Variants in THEMIS observed in about 807,000 individuals in gnomAD.
THEMIS encodes protein THEMIS.
THEMIS carries 37 observed loss-of-function variants against 52.6 expected under a neutral mutation model. The ratio of observed to expected loss-of-function variants is 0.70; its 90% CI spans 0.54 to 0.93. The LOEUF is 0.93. Among genes scored for constraint, THEMIS ranks in the 40% least tolerant of loss-of-function variants. The pLI, the probability that THEMIS is intolerant of heterozygous loss-of-function variation, is 0.00. For missense variants in THEMIS, 808 were observed against 763.1 expected, an observed-to-expected ratio of 1.06 and a Z score of -0.69; for synonymous variants, 292 against 272.7, an observed-to-expected ratio of 1.07 and a Z score of -0.70.
intron 4 of THEMIS, among the ~76,000 whole-genome samples, chr6:127,740,876 T>C (rs538556936): frequency 6.6e-6 from 1 of 152,328 alleles, no homozygotes; most frequent in South Asian, 2.1e-4. Context: ...ATATTACCAG[T>C]AAGTGCTCTA....
chr6:127,743,377 C>G (rs1322932103), intron 4 of THEMIS, among the ~76,000 whole-genome samples: 2 of 152,102 alleles, frequency 1.3e-5, no homozygotes, highest in East Asian at 3.9e-4. Flanking sequence ...GTCTGCTTGA[C>G]ATTCAGAAAT....
intron 4 of THEMIS, among the ~76,000 whole-genome samples, chr6:127,754,866 A>G (rs568864013): frequency 1.1e-4 from 16 of 152,310 alleles, no homozygotes; most frequent in South Asian, 4.1e-4. Context: ...CTGTCTATAA[A>G]TTATCTATTG....
intron 2 of THEMIS, among the ~76,000 whole-genome samples, chr6:127,848,314 C>T (rs918725629): frequency 1.3e-5 from 2 of 151,892 alleles, no homozygotes; most frequent in Non-Finnish European, 2.9e-5. Flanking sequence ...TTTCTTAATC[C>T]AGTCTACCAT....
intron 4 of THEMIS, among the ~76,000 whole-genome samples, chr6:127,766,704 T>C (rs1477371381): frequency 6.6e-6 from 1 of 152,198 alleles, no homozygotes; most frequent in African/African-American, 2.4e-5. Flanking sequence ...GGTAACACAA[T>C]GGTAAGTATT....
At position 127,730,448 on chromosome 6, in the gene THEMIS, CGAAAGAAA is replaced by C. The variant is rs3057171; in HGVS notation, c.1759-10633_1759-10626del. Among the ~76,000 whole-genome samples the C allele has an allele frequency of 3.4e-3, 445 of 129,284 alleles. 3 individuals are homozygous for C. Among genetic ancestry groups the C allele is most frequent in the African/African-American group, 7.9e-3 (282 of 35,782 alleles). 84.8% of individuals were successfully genotyped at this position (129,284 alleles called of 152,430 possible). On this transcript the variant is annotated intron_variant, in intron 4 of 5. Coordinates refer to ENST00000368248, the MANE Select transcript of THEMIS (RefSeq NM_001010923.3). ...GGGAGGGAGGCAGGAAGAGAACAAA[CGAAAGAAA>C]GAAAGAAAGAGAAAGAGACAGAAAG...
In THEMIS at chr6:127,829,831, A is replaced by T; in HGVS notation, c.354T>A (p.Tyr118Ter). 1 of 1,614,138 alleles carries T rather than the reference A, an allele frequency of 6.2e-7. No homozygotes were observed. The highest frequency in any genetic ancestry group is 8.5e-7 in the Non-Finnish European group (1 of 1,180,020). ...TCTCTAGTTTTATATCCTTCTGATGATAGAAGCAAGGATGCCCTAGTCTAC... is the reference window on the plus strand; with the variant it reads ...TCTCTAGTTTTATATCCTTCTGATGTTAGAAGCAAGGATGCCCTAGTCTAC... ...GPSRLGHPCF[Y>*]HQKDIKLENL... Residue 118 changes from tyrosine (Y) to a stop codon, truncating the protein, a stop_gained, in exon 3 of 6, where the codon TAT (tyrosine) becomes TAA (stop). Coordinates refer to ENST00000368248, the MANE Select transcript of THEMIS (RefSeq NM_001010923.3). LOFTEE classifies it high-confidence loss of function.
chr6:127,871,070 C>T (rs769112503), intron 1 of THEMIS, among the ~76,000 whole-genome samples: 3 of 152,038 alleles, frequency 2.0e-5, no homozygotes, highest in African/African-American at 4.8e-5. Context: ...ATAACATATG[C>T]TGAGATATCC....
At chr6:127,737,721 A>G (rs67116440) in intron 4 of THEMIS, among the ~76,000 whole-genome samples, 47,287 of 152,040 alleles carry the variant, frequency 0.31, 8,809 homozygotes, top group Non-Finnish European at 0.43. Context: ...GATGAGTGAC[A>G]TTTGCATTCA....
At chr6:127,749,920 A>G (rs1157987267) in intron 4 of THEMIS, among the ~76,000 whole-genome samples, 1 of 150,586 alleles carries the variant, frequency 6.6e-6, no homozygotes, top group Non-Finnish European at 1.5e-5. Context: ...ACAAGGTATT[A>G]ATAGACAGGC....
At chr6:127,760,758 C>T (rs1168196730) in intron 4 of THEMIS, among the ~76,000 whole-genome samples, 2 of 151,846 alleles carry the variant, frequency 1.3e-5, no homozygotes, top group African/African-American at 4.8e-5. Flanking sequence ...TCCTGTATAA[C>T]AGAGTGAGAC....
chr6:127,834,681 A>G (rs1353482367), intron 2 of THEMIS, among the ~76,000 whole-genome samples: 1 of 152,188 alleles, frequency 6.6e-6, no homozygotes, highest in Non-Finnish European at 1.5e-5. Context: ...AGGTAAAAGA[A>G]TATATCATAA....
At chr6:127,846,511 T>C (rs1384807588) in intron 2 of THEMIS, among the ~76,000 whole-genome samples, 1 of 151,966 alleles carries the variant, frequency 6.6e-6, no homozygotes, top group Non-Finnish European at 1.5e-5. Context: ...TATGAACACC[T>C]TTATGTGAAC....
At chr6:127,747,033 T>C (rs1229261724) in intron 4 of THEMIS, among the ~76,000 whole-genome samples, 3 of 51,042 alleles carry the variant, frequency 5.9e-5, no homozygotes, top group Non-Finnish European at 1.1e-4. Flanking sequence ...TATATAGATA[T>C]AATTATAGAT....
chr6:127,878,092 C>T (rs1294641658), intron 1 of THEMIS, among the ~76,000 whole-genome samples: 1 of 152,124 alleles, frequency 6.6e-6, no homozygotes, highest in Non-Finnish European at 1.5e-5. Flanking sequence ...TTAATACAGG[C>T]TTTGTTAATT....
chr6:127,782,564 C>A (rs1047214700), intron 4 of THEMIS, among the ~76,000 whole-genome samples: 5 of 152,306 alleles, frequency 3.3e-5, no homozygotes, highest in Admixed American at 1.3e-4. Flanking sequence ...GTTCCCTGAC[C>A]CCTTGCACTT....
intron 4 of THEMIS, among the ~76,000 whole-genome samples, chr6:127,780,889 G>A (rs927942932): frequency 1.3e-5 from 2 of 152,046 alleles, no homozygotes; most frequent in African/African-American, 4.8e-5. Context: ...CTCTTCTCGA[G>A]GAGTGTCTTT....
intron 1 of THEMIS, among the ~76,000 whole-genome samples, chr6:127,910,553 C>T (rs901860814): frequency 6.6e-6 from 1 of 152,100 alleles, no homozygotes; most frequent in Non-Finnish European, 1.5e-5. Context: ...CTACTATCAC[C>T]ATGCCTTAGG....
intron 1 of THEMIS, among the ~76,000 whole-genome samples, chr6:127,913,597 T>A (rs984633337): frequency 6.6e-6 from 1 of 152,228 alleles, no homozygotes; most frequent in Non-Finnish European, 1.5e-5. Flanking sequence ...AATAGAATCA[T>A]GACCAGACCT....
At chr6:127,822,468 T>C (rs1471359346) in intron 3 of THEMIS, among the ~76,000 whole-genome samples, 1 of 152,104 alleles carries the variant, frequency 6.6e-6, no homozygotes, top group Non-Finnish European at 1.5e-5. Flanking sequence ...AAAATAATCA[T>C]AATCCTCACT....
Sources: gnomAD v4.1 joint callset for allele counts (sites outside exome capture counted in the v4.1 genomes callset) on GRCh38, gnomAD v4.1.1 for gene constraint, MANE v1.5 for transcripts, NCBI Gene and HGNC (gene_info 2026-07-23, HGNC 2026-07-21) for gene names.